Variants in DNAH14 observed in about 807,000 individuals in gnomAD.
The protein encoded by DNAH14 is axonemal beta dynein heavy chain 14.
In DNAH14, 478 loss-of-function variants were observed where a neutral mutation model predicts 520.9. That is an observed-to-expected ratio of 0.92 (90% CI 0.85 to 0.99). The LOEUF (loss-of-function observed/expected upper bound fraction) is 0.99. DNAH14 is among the 50% of genes least tolerant of loss of function. The probability of loss-of-function intolerance (pLI) is 0.00; values close to 1 mark genes in which losing one functional copy is unlikely to be tolerated. For missense variants in DNAH14, 4,831 were observed against 5,234.5 expected (o/e 0.92, Z 2.38); for synonymous variants, 1,581 against 1,757.2 (o/e 0.90, Z 2.51).
chr1:225,230,431 T>G (rs1450434470), intron 41 of DNAH14, among the ~76,000 whole-genome samples: 1 of 152,138 alleles, frequency 6.6e-6, no homozygotes, highest in African/African-American at 2.4e-5. Flanking sequence ...AGTTGTTATA[T>G]TTAGGTGGTG....
chr1:225,013,998 G>T (rs868695063), intron 10 of DNAH14, among the ~76,000 whole-genome samples: 1 of 152,006 alleles, frequency 6.6e-6, no homozygotes, highest in African/African-American at 2.4e-5. Flanking sequence ...GTGCCACTGG[G>T]GTATGAAAAA....
At chr1:224,949,734 G>T (rs966553840) in intron 1 of DNAH14, among the ~76,000 whole-genome samples, 1 of 151,988 alleles carries the variant, frequency 6.6e-6, no homozygotes, top group Non-Finnish European at 1.5e-5. Flanking sequence ...TACTTTGGAA[G>T]GTTCATGCAT....
chr1:225,077,588 A>T (rs1015825166), intron 17 of DNAH14, among the ~76,000 whole-genome samples: 1 of 152,202 alleles, frequency 6.6e-6, no homozygotes, highest in Non-Finnish European at 1.5e-5. Flanking sequence ...TGCACTTTCC[A>T]TATGCCAGGT....
At chr1:225,002,990 A>C in intron 9 of DNAH14, 63 bp downstream of exon 9, 1 of 1,300,262 alleles carries the variant, frequency 7.7e-7, no homozygotes, top group Non-Finnish European at 1.0e-6. Flanking sequence ...GAAAAATAGC[A>C]TTTTGAATTA....
At chr1:225,047,877 A>G (rs189831875) in intron 15 of DNAH14, among the ~76,000 whole-genome samples, 53 of 152,312 alleles carry the variant, frequency 3.5e-4, no homozygotes, top group African/African-American at 1.3e-3. Flanking sequence ...TTAATTTGTC[A>G]CAATCTGCAT....
chr1:224,963,535 C>T (rs1241189781), intron 4 of DNAH14, among the ~76,000 whole-genome samples: 1 of 151,974 alleles, frequency 6.6e-6, no homozygotes, highest in East Asian at 1.9e-4. Context: ...TTATCTTTTT[C>T]ACTTATTAGA....
chr1:225,268,640 C>T (rs2093206035), intron 49 of DNAH14, among the ~76,000 whole-genome samples: 1 of 152,182 alleles, frequency 6.6e-6, no homozygotes, highest in African/African-American at 2.4e-5. Context: ...TCTCAGGATA[C>T]AAAATCACTG....
intron 10 of DNAH14, among the ~76,000 whole-genome samples, chr1:225,015,257 T>C (rs2065118660): frequency 6.6e-6 from 1 of 152,200 alleles, no homozygotes; most frequent in South Asian, 2.1e-4. Context: ...AGCCAGTCCA[T>C]GTCTTTTAAA....
At chr1:225,040,791 A>G (rs2067407065) in intron 12 of DNAH14, among the ~76,000 whole-genome samples, 1 of 152,200 alleles carries the variant, frequency 6.6e-6, no homozygotes, top group Non-Finnish European at 1.5e-5. Context: ...AGTAATATAA[A>G]ATTGTTTTTC....
chr1:225,194,504 C>T (rs1479664825), intron 38 of DNAH14, among the ~76,000 whole-genome samples: 1 of 152,082 alleles, frequency 6.6e-6, no homozygotes, highest in African/African-American at 2.4e-5. Context: ...AACTGGACCC[C>T]TTCCTTTCAC....
chr1:225,138,360 C>G (rs1389557290), intron 27 of DNAH14, among the ~76,000 whole-genome samples: 5 of 152,232 alleles, frequency 3.3e-5, no homozygotes, highest in African/African-American at 1.2e-4. Flanking sequence ...AGTCCTATCC[C>G]TGGTGGACTT....
At chr1:224,977,980 G>T (rs558029070) in intron 8 of DNAH14, among the ~76,000 whole-genome samples, 1 of 152,264 alleles carries the variant, frequency 6.6e-6, no homozygotes, top group South Asian at 2.1e-4. Context: ...CCTCACTCCA[G>T]ATAGAATGGC....
At chr1:225,279,187 A>T (rs1207603629) in intron 54 of DNAH14, among the ~76,000 whole-genome samples, 13 of 152,066 alleles carry the variant, frequency 8.5e-5, no homozygotes, top group Non-Finnish European at 1.6e-4. Context: ...TTGTATTTTT[A>T]GTAGAGACGG....
intron 21 of DNAH14, among the ~76,000 whole-genome samples, chr1:225,089,823 A>G (rs2074214954): frequency 6.6e-6 from 1 of 152,186 alleles, no homozygotes; most frequent in South Asian, 2.1e-4. Context: ...AGAAGATAAC[A>G]TCCTGAATAA....
chr1:225,061,169 G>A (rs1040734491), intron 17 of DNAH14, among the ~76,000 whole-genome samples: 2 of 152,206 alleles, frequency 1.3e-5, no homozygotes, highest in East Asian at 1.9e-4. Flanking sequence ...CACCCAGTTC[G>A]AGCTTCCCAG....
intron 4 of DNAH14, chr1:224,960,984 C>G (rs1435294391): frequency 6.6e-6 from 1 of 152,146 alleles, no homozygotes; most frequent in Non-Finnish European, 1.5e-5. Flanking sequence ...AATTCTCTCC[C>G]CTTGAATGTG....
At chr1:225,219,890 T>C (rs2089866703) in intron 41 of DNAH14, among the ~76,000 whole-genome samples, 1 of 152,142 alleles carries the variant, frequency 6.6e-6, no homozygotes, top group African/African-American at 2.4e-5. Flanking sequence ...CTGATGAACA[T>C]CAATGTGAAA....
intron 76 of DNAH14, among the ~76,000 whole-genome samples, chr1:225,367,110 A>T (rs928030830): frequency 1.3e-5 from 2 of 151,392 alleles, no homozygotes; most frequent in African/African-American, 4.8e-5. Context: ...CACACAACTT[A>T]TGTAAGTGTG....
At chr1:225,125,532 A>G (rs542037164) in intron 27 of DNAH14, among the ~76,000 whole-genome samples, 2 of 152,274 alleles carry the variant, frequency 1.3e-5, no homozygotes, top group East Asian at 3.9e-4. Context: ...GCTAGCTTTC[A>G]ACTTTTCTTC....
Sources: allele counts gnomAD v4.1 joint callset (sites outside exome capture counted in the v4.1 genomes callset), GRCh38; gene constraint gnomAD v4.1.1; transcripts MANE v1.5; gene names NCBI Gene and HGNC (gene_info 2026-07-23, HGNC 2026-07-21).